STAT4: variants seen among roughly 807,000 people sequenced by gnomAD.
The protein encoded by STAT4 is signal transducer and activator of transcription 4.
In STAT4, 42 loss-of-function variants were observed where a neutral mutation model predicts 110.5. The observed-to-expected ratio is 0.38, with a 90% CI of 0.30 to 0.49. STAT4 has a LOEUF of 0.49. Ranked by LOEUF, STAT4 falls within the 20% of genes least tolerant of loss-of-function variation. The pLI is 0.95. For missense variants in STAT4, 632 were observed against 887.9 expected, an observed-to-expected ratio of 0.71 and a Z score of 3.66; for synonymous variants, 284 against 302.2, an observed-to-expected ratio of 0.94 and a Z score of 0.63.
At chr2:191,049,791 T>A (rs905952999) in intron 14 of STAT4, among the ~76,000 whole-genome samples, 1 of 152,206 alleles carries the variant, frequency 6.6e-6, no homozygotes, top group Non-Finnish European at 1.5e-5. Context: ...AAGAGAGGAA[T>A]GTAAAATGAC....
At chr2:191,069,549 G>C (rs1166751940) in intron 6 of STAT4, 144 bp downstream of exon 6, 6 of 643,080 alleles carry the variant, frequency 9.3e-6, no homozygotes, top group Non-Finnish European at 1.6e-5. Flanking sequence ...AGATAAGGAA[G>C]AAGCAAAACA....
chr2:191,071,269 C>T (rs965157138), intron 5 of STAT4, among the ~76,000 whole-genome samples: 6 of 152,174 alleles, frequency 3.9e-5, no homozygotes, highest in Non-Finnish European at 8.8e-5. Context: ...TCTAGTCTAG[C>T]TTCAGTCTTT....
In STAT4 at chr2:191,150,545, C is replaced by G. The variant is rs905389811; in HGVS notation, c.-2+402G>C. Among the ~76,000 whole-genome samples, 1 of 152,216 alleles carries G rather than the reference C, an allele frequency of 6.6e-6. No individual in the cohort carries two copies. The highest frequency in any genetic ancestry group is 1.5e-5 in the Non-Finnish European group (1 of 68,030). The stretch of plus-strand genomic sequence containing the variant: ...CTCGCGCCCATCAAAGCCACAGTCA[C>G]CGGCTGCCGTAGCTGCAAGCTTTTT... On this transcript the variant is annotated intron_variant, in intron 1 of 23. Coordinates refer to ENST00000392320, the MANE Select transcript of STAT4 (RefSeq NM_003151.4). The surrounding 1 kb of genome is among the most constrained non-coding windows in gnomAD (Gnocchi z 6.4).
chr2:191,094,917 CAAAAAAAAAA>C (rs1165913847), intron 3 of STAT4, among the ~76,000 whole-genome samples: 1 of 77,918 alleles, frequency 1.3e-5, no homozygotes, highest in Non-Finnish European at 2.3e-5. Flanking sequence ...AAATGGAAAG[CAAAAAAAAAA>C]AAAAAAAAAA....
chr2:191,073,464 A>G (rs746810285), intron 4 of STAT4, among the ~76,000 whole-genome samples: 84 of 152,218 alleles, frequency 5.5e-4, no homozygotes, highest in Non-Finnish European at 9.4e-4. Context: ...AGGCAGGTGG[A>G]TTGCCTGAGC....
At position 191,037,061 on chromosome 2, in the gene STAT4, A is replaced by G. The variant is rs1158647533; in HGVS notation, c.1435-762T>C. Among the ~76,000 whole-genome samples the G allele has an allele frequency of 5.0e-4, 76 of 152,190 alleles. No individual in the cohort carries two copies. Among genetic ancestry groups the G allele is most frequent in the Admixed American group, 5.0e-3 (76 of 15,276 alleles). ...TTCCGTATCAGTCTACTCATGCAAG[A>G]ACTTAACATTGTCCAAAAAGTAATT... On this transcript the variant is annotated intron_variant, in intron 16 of 23. Transcript: ENST00000392320. This position sits in a 1 kb window ranked among gnomAD's most constrained non-coding sequence, Gnocchi z 4.8.
In STAT4 at chr2:191,148,403, C is replaced by G. The variant is rs895754408; in HGVS notation, c.-1-199G>C. ...TTCTTTCTGTGCCCCTAAACTACAG[C>G]CTTCCTTGCTCTAAAATGAACTCCT... On this transcript the variant is annotated intron_variant, in intron 1 of 23. Coordinates refer to ENST00000392320, the MANE Select transcript of STAT4 (RefSeq NM_003151.4). Among the ~76,000 whole-genome samples the G allele has an allele frequency of 3.3e-5, 5 of 152,060 alleles. 1 individual carries two copies. The East Asian group carries it at 5.8e-4, about 18-fold the overall frequency.
At chr2:191,041,861 G>A (rs973506742) in intron 14 of STAT4, among the ~76,000 whole-genome samples, 43 of 152,198 alleles carry the variant, frequency 2.8e-4, no homozygotes, top group African/African-American at 1.0e-3. Flanking sequence ...CAGGAGGGAG[G>A]TTTGCTCTTT....
At chr2:191,085,318 C>G (rs996710481) in intron 3 of STAT4, among the ~76,000 whole-genome samples, 1 of 151,848 alleles carries the variant, frequency 6.6e-6, no homozygotes, top group African/African-American at 2.4e-5. Flanking sequence ...CTAAAACTAA[C>G]TTTTCAGAAG....
At chr2:191,092,184 T>C (rs1473634003) in intron 3 of STAT4, among the ~76,000 whole-genome samples, 1 of 152,136 alleles carries the variant, frequency 6.6e-6, no homozygotes, top group Non-Finnish European at 1.5e-5. Context: ...GGGGGGCAGA[T>C]CACGAGGTTG....
chr2:191,101,751 G>A (rs565081949), intron 3 of STAT4, among the ~76,000 whole-genome samples: 1 of 151,838 alleles, frequency 6.6e-6, no homozygotes, highest in South Asian at 2.1e-4. Flanking sequence ...GGTACATACT[G>A]ACCCATGAGT....
chr2:191,139,808 C>T (rs555272640), intron 3 of STAT4, among the ~76,000 whole-genome samples: 3 of 152,108 alleles, frequency 2.0e-5, no homozygotes, highest in African/African-American at 7.2e-5. Flanking sequence ...CAATACTAAG[C>T]AAAAAGAACA....
In STAT4 at chr2:191,107,780, T is replaced by C. The variant is rs987132280; in HGVS notation, c.274-31455A>G. Among the ~76,000 whole-genome samples, 1 of 152,330 alleles carries C rather than the reference T, an allele frequency of 6.6e-6. No homozygotes were observed. Among genetic ancestry groups the C allele is most frequent in the East Asian group, 1.9e-4 (1 of 5,190 alleles). On this transcript the variant is annotated intron_variant, in intron 3 of 23. Transcript: ENST00000392320. This position sits in a 1 kb window ranked among gnomAD's most constrained non-coding sequence, Gnocchi z 4.2. ...ACCATACCTTCCTGATGTCCTAACG[T>C]ATGGTCACAGGAAGAGAATCTCGAT...
chr2:191,058,259 T>G lies in STAT4; in HGVS notation c.1095-40A>C, dbSNP rs1163170681. 7 of 1,547,944 alleles carry G rather than the reference T, an allele frequency of 4.5e-6. No individual in the cohort carries two copies. In the South Asian group the frequency reaches 7.9e-5, roughly 17 times the overall value. On this transcript the variant is annotated intron_variant, in intron 11 of 23. Coordinates refer to ENST00000392320, the MANE Select transcript of STAT4 (RefSeq NM_003151.4). This position sits in a 1 kb window ranked among gnomAD's most constrained non-coding sequence, Gnocchi z 4.3. Reference sequence around the variant, plus strand: ...AGATTCTTTAAAACAAGCTATTTAATAGATCTAGGAATAACTTTCTATGAT... The same window carrying G: ...AGATTCTTTAAAACAAGCTATTTAAGAGATCTAGGAATAACTTTCTATGAT...
intron 4 of STAT4, 80 bp downstream of exon 4, chr2:191,076,147 C>T: frequency 4.2e-6 from 5 of 1,198,606 alleles, no homozygotes; most frequent in Non-Finnish European, 1.2e-6. Context: ...AGCCACTGTA[C>T]CCTACCAAAG....
intron 3 of STAT4, among the ~76,000 whole-genome samples, chr2:191,103,127 T>A (rs1698187472): frequency 6.6e-6 from 1 of 152,222 alleles, no homozygotes. Context: ...AACACACAGT[T>A]TCCTGGAAAT....
At chr2:191,092,762 G>A (rs1022716623) in intron 3 of STAT4, among the ~76,000 whole-genome samples, 2 of 152,230 alleles carry the variant, frequency 1.3e-5, no homozygotes, top group African/African-American at 4.8e-5. Flanking sequence ...CCCAGGAAGT[G>A]CGAAGGGTCG....
chr2:191,068,973 T>C (rs1697069954), intron 6 of STAT4, among the ~76,000 whole-genome samples: 1 of 152,148 alleles, frequency 6.6e-6, no homozygotes, highest in Non-Finnish European at 1.5e-5. Context: ...TAAATTGCAG[T>C]GACCTTACAT....
intron 3 of STAT4, among the ~76,000 whole-genome samples, chr2:191,088,582 T>C (rs921326617): frequency 6.6e-6 from 1 of 152,188 alleles, no homozygotes; most frequent in African/African-American, 2.4e-5. Flanking sequence ...TAATGACTAA[T>C]TTTAAAGTTT....
Sources: gnomAD v4.1 joint callset for allele counts (sites outside exome capture counted in the v4.1 genomes callset) on GRCh38, gnomAD v4.1.1 for gene constraint, Gnocchi (gnomAD v3.1) non-coding constraint, MANE v1.5 for transcripts, NCBI Gene and HGNC (gene_info 2026-07-23, HGNC 2026-07-21) for gene names.